The following TACC1 variants were observed in gnomAD, a reference collection of about 807,000 sequenced individuals.
TACC1 encodes transforming acidic coiled-coil-containing protein 1.
In TACC1, 48 loss-of-function variants were observed where a neutral mutation model predicts 84.4. The ratio of observed to expected loss-of-function variants is 0.57; its 90% CI spans 0.45 to 0.72. TACC1 has a LOEUF of 0.72. Ranked by LOEUF, TACC1 falls within the 30% of genes least tolerant of loss-of-function variation. The pLI is 0.00. For missense variants in TACC1, 920 were observed against 973.0 expected, an observed-to-expected ratio of 0.95 and a Z score of 0.72; for synonymous variants, 372 against 376.3, an observed-to-expected ratio of 0.99 and a Z score of 0.13.
In TACC1 at chr8:38,787,321, G is replaced by A. The variant is rs1242663500; in HGVS notation, c.-262G>A. 4.8e-6 allele frequency: 6 copies of A among 1,244,806 alleles called. No individual in the cohort carries two copies. The East Asian group carries it at 1.9e-4, about 39-fold the overall frequency. The allele number at this position is 1,244,806 out of a possible 1,614,324, so 77.1% of individuals were successfully genotyped here. On this transcript the variant is annotated 5_prime_UTR_variant, in exon 1 of 13. Coordinates refer to ENST00000317827, the MANE Select transcript of TACC1 (RefSeq NM_006283.3). ...GGCCTGAGGAGGCCACAGGACGGGC[G>A]TCTTCCCGGCTAGTGGAGCCCGGCG...
intron 11 of TACC1, 70 bp downstream of exon 11, chr8:38,843,465 T>A: frequency 8.4e-7 from 1 of 1,196,586 alleles, no homozygotes; most frequent in Non-Finnish European, 1.2e-6. Flanking sequence ...GAAAACAAAA[T>A]CACTGTTTCG....
chr8:38,742,342 C>T, intron 1 of TACC1: 2 of 1,295,318 alleles, frequency 1.5e-6, no homozygotes, highest in Non-Finnish European at 2.1e-6. Flanking sequence ...TGACTTAATT[C>T]TCTTCCAGTC....
intron 5 of TACC1, among the ~76,000 whole-genome samples, chr8:38,829,462 G>T (rs1828783986): frequency 1.3e-5 from 2 of 152,122 alleles, no homozygotes; most frequent in African/African-American, 4.8e-5. Flanking sequence ...TCCATCTGAA[G>T]TGTCTTCCTT....
chr8:38,810,987 G>T (rs1823973611), intron 2 of TACC1, among the ~76,000 whole-genome samples: 1 of 152,070 alleles, frequency 6.6e-6, no homozygotes, highest in African/African-American at 2.4e-5. Flanking sequence ...GGGTGTGGTG[G>T]TGTGCCTGTA....
chr8:38,730,218 G>A lies in TACC1; in HGVS notation c.-675+1547G>A, dbSNP rs542545969. Among the ~76,000 whole-genome samples the A allele has an allele frequency of 2.6e-5, 4 of 152,148 alleles. No individual in the cohort carries two copies. The South Asian group carries it at 6.2e-4, about 24-fold the overall frequency. On this transcript the variant is annotated intron_variant, in intron 1 of 14. Coordinates refer to the TACC1 transcript ENST00000518415. ...CTCCCATCCGCCTCCTTGAATGATCGCCTTCTGCCCTAGGGAACCCGCTGG... is the reference window on the plus strand; with the variant it reads ...CTCCCATCCGCCTCCTTGAATGATCACCTTCTGCCCTAGGGAACCCGCTGG...
At chr8:38,756,053 A>G (rs1809978796) in intron 3 of TACC1, among the ~76,000 whole-genome samples, 1 of 151,948 alleles carries the variant, frequency 6.6e-6, no homozygotes, top group African/African-American at 2.4e-5. Flanking sequence ...GACCTCAGGT[A>G]ATCCACCCCC....
At chr8:38,807,670 G>C (rs1177412818) in intron 2 of TACC1, among the ~76,000 whole-genome samples, 1 of 152,204 alleles carries the variant, frequency 6.6e-6, no homozygotes, top group East Asian at 1.9e-4. Flanking sequence ...CAGTATGTTA[G>C]CTGAATACAT....
chr8:38,838,829 A>G (rs909350020), intron 8 of TACC1, among the ~76,000 whole-genome samples: 1 of 152,232 alleles, frequency 6.6e-6, no homozygotes, highest in Non-Finnish European at 1.5e-5. Context: ...AGAAATTTGT[A>G]TCAAAATATC....
In TACC1 at chr8:38,820,475, T is replaced by A; in HGVS notation, c.1231T>A (p.Ser411Thr). ...SVLQNSPPLSSEGSYHFDPDN... is the reference protein window; with the variant it reads ...SVLQNSPPLSTEGSYHFDPDN... ...TCTGCAGAACTCCCCACCCCTCTCT[T>A]CTGAGGGCTCCTACCACTTTGACCC... Residue 411 changes from serine to threonine, a missense_variant, in exon 3 of 13, where the codon TCT becomes ACT. Transcript: ENST00000317827. 1 of 1,614,186 alleles carries A rather than the reference T, an allele frequency of 6.2e-7. No homozygotes were observed. Among genetic ancestry groups the A allele is most frequent in the Non-Finnish European group, 8.5e-7 (1 of 1,180,034 alleles).
At chr8:38,788,017 A>C in intron 1 of TACC1, 1 of 451,110 alleles carries the variant, frequency 2.2e-6, no homozygotes, top group Non-Finnish European at 3.9e-6. Flanking sequence ...CACTTTCTCT[A>C]AGCTTCGACC....
chr8:38,795,985 G>A (rs533939363), intron 2 of TACC1, among the ~76,000 whole-genome samples: 1 of 152,290 alleles, frequency 6.6e-6, no homozygotes, highest in East Asian at 1.9e-4. Flanking sequence ...CTAGCCAGTC[G>A]AGGACCCTCT....
rs746248281 is a variant in TACC1 at position 38,848,135 on chromosome 8, TA to T, written c.*119del. ...CCCTTTGCAGAGAAAAAAAAAAACT[TA>T]AAAAAAGCACATGCCTACTGCTGCC... On this transcript the variant is annotated 3_prime_UTR_variant, in exon 13 of 13. Coordinates refer to ENST00000317827, the MANE Select transcript of TACC1 (RefSeq NM_006283.3). 7.7e-6 allele frequency: 8 copies of T among 1,040,942 alleles called. No homozygotes were observed. The highest frequency in any genetic ancestry group is 5.2e-5 in the East Asian group (2 of 38,800). 64.5% of individuals were successfully genotyped at this position (1,040,942 alleles called of 1,614,324 possible). A position where few individuals can be genotyped will look rare whatever the true frequency, so the allele number is the denominator to read the frequency against.
At position 38,788,827 on chromosome 8, in the gene TACC1, A is replaced by G; in HGVS notation, c.277+8A>G. 1 of 1,587,768 alleles carries G rather than the reference A, an allele frequency of 6.3e-7. No individual in the cohort carries two copies. Among genetic ancestry groups the G allele is most frequent in the South Asian group, 1.2e-5 (1 of 85,906 alleles). On this transcript the variant is annotated splice_region_variant and intron_variant, in intron 2 of 12. Transcript: ENST00000317827. ...CTGGGGCCAAAAGCCAAGGTAAAGA[A>G]AAACTTGCATTTTTCCTGCCTGTTT...
intron 9 of TACC1, among the ~76,000 whole-genome samples, chr8:38,841,332 C>A (rs1169250654): frequency 6.6e-6 from 1 of 152,064 alleles, no homozygotes; most frequent in African/African-American, 2.4e-5. Context: ...GTGGCACTGC[C>A]CTTGGAGGCC....
upstream of TACC1, among the ~76,000 whole-genome samples, chr8:38,783,227 A>G (rs1816484711): frequency 6.6e-6 from 1 of 151,420 alleles, no homozygotes; most frequent in Non-Finnish European, 1.5e-5. Flanking sequence ...TGAATGGTAT[A>G]CTTCCTGGGG....
intron 2 of TACC1, among the ~76,000 whole-genome samples, chr8:38,798,242 C>G (rs1820453650): frequency 6.6e-6 from 1 of 152,044 alleles, no homozygotes; most frequent in African/African-American, 2.4e-5. Flanking sequence ...CCTGACTCAG[C>G]CTTCCGAGTA....
chr8:38,822,054 C>G (rs955227027), intron 3 of TACC1, among the ~76,000 whole-genome samples: 1 of 151,880 alleles, frequency 6.6e-6, no homozygotes, highest in Non-Finnish European at 1.5e-5. Context: ...GACACCCCCC[C>G]ACACACACCG....
chr8:38,771,443 G>A (rs1161447302), intron 3 of TACC1, among the ~76,000 whole-genome samples: 1 of 152,182 alleles, frequency 6.6e-6, no homozygotes, highest in Admixed American at 6.5e-5. Flanking sequence ...GTGGACAAAA[G>A]GGAATAGCAA....
At chr8:38,765,328 C>T (rs767423773) in intron 3 of TACC1, among the ~76,000 whole-genome samples, 65 of 152,162 alleles carry the variant, frequency 4.3e-4, no homozygotes, top group Non-Finnish European at 8.1e-4. Flanking sequence ...CTGTCCCTCC[C>T]CTCCAACCTG....
Sources: allele counts gnomAD v4.1 joint callset (sites outside exome capture counted in the v4.1 genomes callset), GRCh38; gene constraint gnomAD v4.1.1; transcripts MANE v1.5; gene names NCBI Gene and HGNC (gene_info 2026-07-23, HGNC 2026-07-21).